KCND2: variants seen among roughly 807,000 people sequenced by gnomAD.
KCND2 encodes the protein A-type voltage-gated potassium channel KCND2.
A neutral mutation model predicts 54.4 loss-of-function variants in KCND2; 16 were observed. The observed-to-expected ratio is 0.29, with a 90% confidence interval of 0.20 to 0.45. KCND2 has a LOEUF of 0.45. Ranked by LOEUF, KCND2 falls within the 20% of genes least tolerant of loss-of-function variation. KCND2 has a pLI of 1.00. For synonymous variants in KCND2, 317 were observed against 310.7 expected, an observed-to-expected ratio of 1.02 and a Z score of -0.21; for missense variants, 486 against 824.2, an observed-to-expected ratio of 0.59 and a Z score of 5.02.
At position 120,636,572 on chromosome 7, in the gene KCND2, G is replaced by C. The variant is rs148593366; in HGVS notation, c.1116-96331G>C. Among the ~76,000 whole-genome samples the C allele has an allele frequency of 4.6e-5, 7 of 152,006 alleles. No homozygotes were observed. The East Asian group carries it at 1.2e-3, about 25-fold the overall frequency. On this transcript the variant is annotated intron_variant, in intron 1 of 5. Coordinates refer to ENST00000331113, the MANE Select transcript of KCND2 (RefSeq NM_012281.3). ...TTGTGATTAACTAGAATTTTTTGCC[G>C]TGCTTGCCAATATTCCTCTTATTAC...
intron 1 of KCND2, among the ~76,000 whole-genome samples, chr7:120,366,994 A>T (rs534350196): frequency 3.9e-5 from 6 of 152,180 alleles, no homozygotes; most frequent in African/African-American, 1.4e-4. Context: ...GCACTTTAAA[A>T]CTTAAAAATT....
Position 120,584,187 on chromosome 7 carries a change from A to G in KCND2, c.1116-148716A>G, listed in dbSNP as rs542679352. ...TATGCTTTCTATCCTCTTTGGGGGC[A>G]TAAGTTACATTTTGAATTATGTCAT... On this transcript the variant is annotated intron_variant, in intron 1 of 5. Coordinates refer to ENST00000331113, the MANE Select transcript of KCND2 (RefSeq NM_012281.3). 3.9e-5 allele frequency among the ~76,000 whole-genome samples: 6 copies of G among 152,366 alleles called. No individual in the cohort carries two copies. In the South Asian group the frequency reaches 1.0e-3, roughly 26 times the overall value.
chr7:120,294,904 G>T (rs1799486918), intron 1 of KCND2, among the ~76,000 whole-genome samples: 1 of 151,512 alleles, frequency 6.6e-6, no homozygotes, highest in African/African-American at 2.4e-5. Context: ...TGTTTGCAAT[G>T]TATCTTTAAT....
intron 1 of KCND2, among the ~76,000 whole-genome samples, chr7:120,382,288 G>T (rs1257083734): frequency 1.3e-5 from 2 of 151,796 alleles, no homozygotes; most frequent in African/African-American, 4.8e-5. Context: ...AATAGGACAC[G>T]TAAGAGCACA....
In KCND2 at chr7:120,391,782, ATTTG is replaced by A. The variant is rs538538100; in HGVS notation, c.1115+116039_1115+116042del. On this transcript the variant is annotated intron_variant, in intron 1 of 5. Coordinates refer to ENST00000331113, the MANE Select transcript of KCND2 (RefSeq NM_012281.3). ...GTGGTTGTTTGTTTTTTTCTTGTAA[ATTTG>A]TTTAAGTTTTTTGCAGATTCTGGAT... is the stretch of plus-strand genomic sequence containing the variant. 4.1e-4 allele frequency among the ~76,000 whole-genome samples: 63 copies of A among 151,856 alleles called. 1 individual carries two copies. In the South Asian group the frequency reaches 6.6e-3, roughly 16 times the overall value.
At chr7:120,533,732 A>G (rs1396353718) in intron 1 of KCND2, among the ~76,000 whole-genome samples, 4 of 152,100 alleles carry the variant, frequency 2.6e-5, no homozygotes, top group Non-Finnish European at 5.9e-5. Context: ...CTCCGTCTTG[A>G]CACATAAATG....
intron 1 of KCND2, among the ~76,000 whole-genome samples, chr7:120,642,577 A>AAT (rs200503692): frequency 1.3e-4 from 19 of 148,540 alleles, no homozygotes; most frequent in South Asian, 2.1e-4. Context: ...AATAAAAAAA[A>AAT]ATATATATAT....
intron 1 of KCND2, among the ~76,000 whole-genome samples, chr7:120,665,940 C>G (rs1047440963): frequency 2.6e-5 from 4 of 151,822 alleles, no homozygotes; most frequent in Non-Finnish European, 5.9e-5. Flanking sequence ...TTACAAATAA[C>G]AATGTATTAA....
At chr7:120,377,661 G>A (rs183059558) in intron 1 of KCND2, among the ~76,000 whole-genome samples, 12 of 151,934 alleles carry the variant, frequency 7.9e-5, no homozygotes, top group Non-Finnish European at 1.3e-4. Context: ...TGAACTCTCA[G>A]CTTATTTTTA....
intron 1 of KCND2, among the ~76,000 whole-genome samples, chr7:120,597,456 A>T (rs1792759971): frequency 6.6e-6 from 1 of 152,176 alleles, no homozygotes; most frequent in Admixed American, 6.6e-5. Flanking sequence ...AAGACTCAGG[A>T]ATAAAAATAA....
intron 1 of KCND2, among the ~76,000 whole-genome samples, chr7:120,543,246 C>T (rs1792003741): frequency 6.6e-6 from 1 of 151,690 alleles, no homozygotes; most frequent in Admixed American, 6.6e-5. Context: ...CACTTCCTCT[C>T]TGGCTACTTC....
At chr7:120,688,932 C>A (rs1370147120) in intron 1 of KCND2, among the ~76,000 whole-genome samples, 3 of 152,104 alleles carry the variant, frequency 2.0e-5, no homozygotes, top group Non-Finnish European at 4.4e-5. Flanking sequence ...AGTAACCAGA[C>A]CCTGAAAATG....
intron 1 of KCND2, among the ~76,000 whole-genome samples, chr7:120,474,493 A>G (rs1355802411): frequency 6.7e-6 from 1 of 149,292 alleles, no homozygotes; most frequent in Non-Finnish European, 1.5e-5. Flanking sequence ...ACGTGCCACC[A>G]TGCCCAGCTA....
intron 1 of KCND2, among the ~76,000 whole-genome samples, chr7:120,321,572 G>A (rs1799893322): frequency 6.6e-6 from 1 of 151,888 alleles, no homozygotes; most frequent in African/African-American, 2.4e-5. Context: ...TCTTGTTACT[G>A]AAACTATAAA....
rs115808326 is a variant in KCND2 at position 120,494,165 on chromosome 7, T to C, written c.1115+218418T>C. 4.2e-3 allele frequency among the ~76,000 whole-genome samples: 642 copies of C among 152,268 alleles called. 2 individuals are homozygous for C. The highest frequency in any genetic ancestry group is 0.014 in the African/African-American group (594 of 41,586). On this transcript the variant is annotated intron_variant, in intron 1 of 5. Coordinates refer to ENST00000331113, the MANE Select transcript of KCND2 (RefSeq NM_012281.3). ...AGTAAAGCAAAGCTTAGCATAGCTG[T>C]TTCTTCTGGTGGGGAAGGTGGAAGA...
chr7:120,709,070 G>A (rs1458947524), intron 1 of KCND2, among the ~76,000 whole-genome samples: 2 of 152,096 alleles, frequency 1.3e-5, no homozygotes, highest in African/African-American at 2.4e-5. Flanking sequence ...CCCTGTCCGT[G>A]CTACCAAGGC....
chr7:120,630,987 G>A (rs183096564), intron 1 of KCND2, among the ~76,000 whole-genome samples: 17 of 152,192 alleles, frequency 1.1e-4, no homozygotes, highest in African/African-American at 3.9e-4. Flanking sequence ...CAGCCTTAAG[G>A]AGCTGCAGTT....
At chr7:120,411,083 CAA>C (rs1801443698) in intron 1 of KCND2, among the ~76,000 whole-genome samples, 1 of 151,984 alleles carries the variant, frequency 6.6e-6, no homozygotes. Context: ...GCAACTTCAG[CAA>C]AGTCTCAGGA....
intron 1 of KCND2, among the ~76,000 whole-genome samples, chr7:120,431,852 C>T (rs556903328): frequency 8.5e-5 from 13 of 152,244 alleles, no homozygotes; most frequent in African/African-American, 3.1e-4. Flanking sequence ...CACACACTCA[C>T]ATTTGCACGC....
Sources: gnomAD v4.1 joint callset for allele counts (sites outside exome capture counted in the v4.1 genomes callset) on GRCh38, gnomAD v4.1.1 for gene constraint, MANE v1.5 for transcripts, NCBI Gene and HGNC (gene_info 2026-07-23, HGNC 2026-07-21) for gene names.